Variants in MED30 observed in about 807,000 individuals in gnomAD.
The protein encoded by MED30 is mediator of RNA polymerase II transcription subunit 30.
A neutral mutation model predicts 21.7 loss-of-function variants in MED30; 8 were observed. The ratio of observed to expected loss-of-function variants is 0.37; its 90% CI spans 0.22 to 0.67. The LOEUF is 0.67. Among genes scored for constraint, MED30 ranks in the 30% least tolerant of loss-of-function variants. The probability of loss-of-function intolerance (pLI) is 0.58; values close to 1 mark genes in which losing one functional copy is unlikely to be tolerated. For synonymous variants in MED30, 79 were observed against 86.7 expected (o/e 0.91, Z 0.49); for missense variants, 203 against 228.2 (o/e 0.89, Z 0.71).
chr8:117,530,747 G>C lies in MED30; in HGVS notation c.361G>C (p.Asp121His). Residue 121 changes from aspartate (D) to histidine (H), a missense_variant, in exon 3 of 4, where the codon GAT becomes CAT. By Grantham distance (81) the Asp-to-His change is moderately conservative. Coordinates refer to ENST00000297347, the MANE Select transcript of MED30 (RefSeq NM_080651.4). ...VEQLIPYVEE[D>H]GSKNDDRAGP... Reference sequence around the variant, plus strand: ...GCAACTTATTCCATATGTGGAAGAAGATGGCTCAAAGAATGATGATCGGGC... The same window carrying C: ...GCAACTTATTCCATATGTGGAAGAACATGGCTCAAAGAATGATGATCGGGC... 6.8e-6 allele frequency: 11 copies of C among 1,611,882 alleles called. No individual in the cohort carries two copies. The highest frequency in any genetic ancestry group is 9.3e-6 in the Non-Finnish European group (11 of 1,178,718).
At chr8:117,539,554 C>T (rs1351344450) in intron 3 of MED30, among the ~76,000 whole-genome samples, 1 of 151,848 alleles carries the variant, frequency 6.6e-6, no homozygotes, top group African/African-American at 2.4e-5. Flanking sequence ...TTAGGTTATG[C>T]TGCCCCTTAG....
intron 2 of MED30, among the ~76,000 whole-genome samples, chr8:117,529,940 A>C (rs1818771245): frequency 6.6e-6 from 1 of 151,960 alleles, no homozygotes; most frequent in Admixed American, 6.6e-5. Context: ...GGGTGAGTTT[A>C]TATATATCCC....
At chr8:117,539,761 T>C (rs1271219269) in intron 3 of MED30, 122 bp from the exon 4 acceptor site, 3 of 637,216 alleles carry the variant, frequency 4.7e-6, no homozygotes, top group Non-Finnish European at 8.2e-6. Flanking sequence ...ATCTGCCTTA[T>C]AGGGTTATTT....
intron 1 of MED30, among the ~76,000 whole-genome samples, chr8:117,522,982 G>C (rs1253888496): frequency 6.6e-6 from 1 of 152,034 alleles, no homozygotes; most frequent in African/African-American, 2.4e-5. Flanking sequence ...TTACAGTAAA[G>C]GAAACTGAGG....
rs185887170 is a variant in MED30 at position 117,535,580 on chromosome 8, G to A, written c.442-4303G>A. On this transcript the variant is annotated intron_variant, in intron 3 of 3. Coordinates refer to ENST00000297347, the MANE Select transcript of MED30 (RefSeq NM_080651.4). ...GCACACACACCCGAGGGTGTTTCTCGTAGTGAAAACTGGCTATAGATGATA... is the reference window on the plus strand; with the variant it reads ...GCACACACACCCGAGGGTGTTTCTCATAGTGAAAACTGGCTATAGATGATA... 7.1e-3 allele frequency among the ~76,000 whole-genome samples: 1,070 copies of A among 151,480 alleles called. 7 individuals are homozygous for A. Among genetic ancestry groups the A allele is most frequent in the Non-Finnish European group, 0.012 (808 of 67,890 alleles).
chr8:117,520,762 C>A lies in MED30; in HGVS notation c.-115C>A. On this transcript the variant is annotated 5_prime_UTR_variant, in exon 1 of 4. Transcript: ENST00000297347. ...TCGCGGCCGCTGTTTTGAAATCGGG[C>A]CGCGGGGGGTCTCTCAAGCTGGTTC... The A allele has an allele frequency of 1.8e-6, 2 of 1,094,054 alleles. No homozygotes were observed. The highest frequency in any genetic ancestry group is 1.3e-6 in the Non-Finnish European group (1 of 797,102). 67.8% of individuals were successfully genotyped at this position (1,094,054 alleles called of 1,614,324 possible). A position where few individuals can be genotyped will look rare whatever the true frequency, so the allele number is the denominator to read the frequency against.
chr8:117,523,468 C>T (rs574538393), intron 1 of MED30: 12 of 1,582,114 alleles, frequency 7.6e-6, no homozygotes, highest in Non-Finnish European at 1.0e-5. Context: ...AGTCTCTGGA[C>T]GGCTGCGGCG....
intron 3 of MED30, among the ~76,000 whole-genome samples, chr8:117,533,032 A>G (rs573434664): frequency 6.6e-6 from 1 of 152,192 alleles, no homozygotes; most frequent in Non-Finnish European, 1.5e-5. Flanking sequence ...AAACACCATT[A>G]TAATAATAAC....
intron 1 of MED30, chr8:117,523,822 C>A (rs544071952): frequency 1.1e-4 from 63 of 560,924 alleles, no homozygotes; most frequent in Middle Eastern, 5.1e-4. Flanking sequence ...GCCTAGCCAA[C>A]ATGGTGAAAC....
intron 1 of MED30, among the ~76,000 whole-genome samples, chr8:117,522,669 T>A (rs997690688): frequency 6.6e-6 from 1 of 152,042 alleles, no homozygotes; most frequent in African/African-American, 2.4e-5. Flanking sequence ...GACTTTTTTT[T>A]TCGTCCTGAT....
intron 1 of MED30, among the ~76,000 whole-genome samples, chr8:117,527,100 T>C (rs1268490919): frequency 1.3e-5 from 2 of 151,926 alleles, no homozygotes; most frequent in Non-Finnish European, 2.9e-5. Flanking sequence ...CATAATGCCA[T>C]AATAAAGGTA....
At chr8:117,536,605 A>G (rs1158184088) in intron 3 of MED30, among the ~76,000 whole-genome samples, 2 of 152,258 alleles carry the variant, frequency 1.3e-5, no homozygotes, top group Non-Finnish European at 2.9e-5. Context: ...ACCAATAACT[A>G]TCCTGGTGCT....
intron 1 of MED30, chr8:117,523,681 A>C: frequency 6.3e-7 from 1 of 1,586,042 alleles, no homozygotes; most frequent in Non-Finnish European, 8.6e-7. Context: ...AGGCATGTGG[A>C]ATCCTCCTTG....
chr8:117,524,045 C>T, intron 1 of MED30: 1 of 177,678 alleles, frequency 5.6e-6, no homozygotes, highest in Non-Finnish European at 1.2e-5. Flanking sequence ...TACGTTTCTT[C>T]TTAAGCTTCA....
chr8:117,530,890 G>T, intron 3 of MED30, 63 bp downstream of exon 3: 1 of 1,082,502 alleles, frequency 9.2e-7, no homozygotes, highest in Non-Finnish European at 1.4e-6. Context: ...TAGGGAGTCT[G>T]ATGTAACTCC....
At chr8:117,521,421 A>ATT (rs200683692) in intron 1 of MED30, among the ~76,000 whole-genome samples, 2 of 151,684 alleles carry the variant, frequency 1.3e-5, no homozygotes, top group African/African-American at 4.9e-5. Flanking sequence ...AAGAATTTAC[A>ATT]TTTTTTTTAA....
At chr8:117,526,254 G>A (rs1251840172) in intron 1 of MED30, among the ~76,000 whole-genome samples, 1 of 151,884 alleles carries the variant, frequency 6.6e-6, no homozygotes, top group Non-Finnish European at 1.5e-5. Context: ...AATAGATTAT[G>A]ATGCTTTCTT....
At position 117,520,958 on chromosome 8, in the gene MED30, G is replaced by A. The variant is rs1289841888; in HGVS notation, c.82G>A (p.Val28Ile). Residue 28 changes from valine to isoleucine, a missense_variant, in exon 1 of 4, where the codon GTC (valine) becomes ATC (isoleucine). Coordinates refer to ENST00000297347, the MANE Select transcript of MED30 (RefSeq NM_080651.4). ...CCAGGCTCAGCAGGCCGCCCGGGAA[G>A]TCAACACGGCGTCGCTGTGCCGCAT... ...GPQAQQAARE[V>I]NTASLCRIGQ... 6.2e-7 allele frequency: 1 copy of A among 1,612,822 alleles called. No individual in the cohort carries two copies. Among genetic ancestry groups the A allele is most frequent in the African/African-American group, 1.3e-5 (1 of 74,844 alleles).
At chr8:117,526,288 T>A (rs1389754197) in intron 1 of MED30, among the ~76,000 whole-genome samples, 2 of 152,058 alleles carry the variant, frequency 1.3e-5, no homozygotes, top group Non-Finnish European at 2.9e-5. Context: ...CATTTTTTTC[T>A]CTTTCTTCTC....
Sources: allele counts gnomAD v4.1 joint callset (sites outside exome capture counted in the v4.1 genomes callset), GRCh38; gene constraint gnomAD v4.1.1; transcripts MANE v1.5; gene names NCBI Gene and HGNC (gene_info 2026-07-23, HGNC 2026-07-21).